The following SRPK2 variants were observed in gnomAD, a reference collection of about 807,000 sequenced individuals.
The protein encoded by SRPK2 is SFRS protein kinase 2.
Under a neutral mutation model 90.8 loss-of-function variants are expected in SRPK2, and 21 were observed. The ratio of observed to expected loss-of-function variants is 0.23; its 90% confidence interval spans 0.16 to 0.33. The LOEUF is 0.33. Ranked by LOEUF, SRPK2 falls within the 10% of genes least tolerant of loss-of-function variation. SRPK2 has a pLI of 1.00. For synonymous variants in SRPK2, 288 were observed against 311.1 expected (o/e 0.93, Z 0.78); for missense variants, 620 against 869.0 (o/e 0.71, Z 3.60).
At chr7:105,228,568 G>A (rs780755934) in intron 2 of SRPK2, among the ~76,000 whole-genome samples, 1 of 152,034 alleles carries the variant, frequency 6.6e-6, no homozygotes, top group Non-Finnish European at 1.5e-5. Context: ...CGCCTGCAAG[G>A]GGCCATCTGA....
chr7:105,243,956 C>T (rs1408291696), intron 2 of SRPK2, among the ~76,000 whole-genome samples: 1 of 152,204 alleles, frequency 6.6e-6, no homozygotes, highest in Non-Finnish European at 1.5e-5. Flanking sequence ...GGAGTCCCAA[C>T]TCTGCCATTA....
chr7:105,324,038 C>T (rs1813272428), intron 2 of SRPK2, among the ~76,000 whole-genome samples: 1 of 145,328 alleles, frequency 6.9e-6, no homozygotes, highest in Admixed American at 7.0e-5. Context: ...ACATTGTCGC[C>T]CGGGCTGGAG....
intron 7 of SRPK2, among the ~76,000 whole-genome samples, chr7:105,149,452 T>C (rs147339710): frequency 0.015 from 2,298 of 152,098 alleles, 53 homozygotes; most frequent in African/African-American, 0.051. Flanking sequence ...CCTACTACAT[T>C]CCTTTTTGCT....
intron 7 of SRPK2, among the ~76,000 whole-genome samples, chr7:105,153,241 C>T (rs1345888919): frequency 7.9e-5 from 12 of 152,124 alleles, no homozygotes; most frequent in East Asian, 1.9e-4. Context: ...AGCAGCAGTG[C>T]GGAAAAGAAG....
At chr7:105,278,080 C>T (rs1383946435) in intron 2 of SRPK2, among the ~76,000 whole-genome samples, 2 of 152,134 alleles carry the variant, frequency 1.3e-5, no homozygotes, top group Admixed American at 1.3e-4. Flanking sequence ...CTTTGGGAGG[C>T]TGAGGCAGGC....
intron 2 of SRPK2, among the ~76,000 whole-genome samples, chr7:105,308,560 T>C (rs1430270412): frequency 6.6e-6 from 1 of 152,194 alleles, no homozygotes; most frequent in African/African-American, 2.4e-5. Flanking sequence ...CAAGAAACTA[T>C]AATCCAAAAT....
At chr7:105,207,358 T>C (rs1333596443) in intron 2 of SRPK2, among the ~76,000 whole-genome samples, 1 of 152,138 alleles carries the variant, frequency 6.6e-6, no homozygotes, top group Non-Finnish European at 1.5e-5. Context: ...CAAAGCCTGG[T>C]TAAATTACAA....
At chr7:105,217,086 A>G (rs1366988701) in intron 2 of SRPK2, among the ~76,000 whole-genome samples, 1 of 152,224 alleles carries the variant, frequency 6.6e-6, no homozygotes, top group African/African-American at 2.4e-5. Flanking sequence ...CGATACTGCT[A>G]CAGGCCTTTT....
intron 2 of SRPK2, among the ~76,000 whole-genome samples, chr7:105,255,216 T>C (rs1033430013): frequency 6.6e-6 from 1 of 150,690 alleles, no homozygotes; most frequent in African/African-American, 2.4e-5. Flanking sequence ...TTGTTTCTCC[T>C]TACAGATGAA....
intron 2 of SRPK2, chr7:105,268,741 A>T: frequency 6.6e-7 from 1 of 1,517,088 alleles, no homozygotes; most frequent in Admixed American, 1.7e-5. Flanking sequence ...AAAAAAAAAT[A>T]TGTCCTGGTT....
chr7:105,282,714 G>A (rs1256436775), intron 2 of SRPK2, among the ~76,000 whole-genome samples: 1 of 152,078 alleles, frequency 6.6e-6, no homozygotes, highest in African/African-American at 2.4e-5. Flanking sequence ...ACTTGAACCT[G>A]GGAAGCGGAG....
intron 3 of SRPK2, chr7:105,189,373 T>C (rs1042818657): frequency 1.5e-4 from 25 of 162,202 alleles, no homozygotes; most frequent in Non-Finnish European, 1.2e-4. Flanking sequence ...CATCCTAATG[T>C]AGGGGTTGGT....
At chr7:105,399,038 T>C (rs545637946) in intron 1 of SRPK2, 5 of 152,370 alleles carry the variant, frequency 3.3e-5, no homozygotes, top group African/African-American at 1.2e-4. Flanking sequence ...AAGCATTCAA[T>C]AAATATTAGC....
At chr7:105,263,665 T>C (rs1804639271) in intron 2 of SRPK2, among the ~76,000 whole-genome samples, 1 of 152,158 alleles carries the variant, frequency 6.6e-6, no homozygotes, top group Non-Finnish European at 1.5e-5. Context: ...GTTAAGATCC[T>C]AAAACTCCTA....
chr7:105,150,341 AAACCCTGTCTCTAC>A (rs1267996335), intron 7 of SRPK2, among the ~76,000 whole-genome samples: 7 of 152,214 alleles, frequency 4.6e-5, no homozygotes, highest in African/African-American at 1.7e-4. Context: ...CAACATGGCG[AAACCCTGTCTCTAC>A]TAAAAACACA....
At position 105,281,543 on chromosome 7, in the gene SRPK2, C is replaced by G. The variant is rs538681285; in HGVS notation, c.72-77758G>C. On this transcript the variant is annotated intron_variant, in intron 2 of 15. Coordinates refer to ENST00000393651, the MANE Select transcript of SRPK2 (RefSeq NM_182692.3). Reference sequence around the variant, plus strand: ...TGGCACATGCCTGCAGTCCTAGCTACGTGGAGACTGAGGCAGGAGGATCAC... The same window carrying G: ...TGGCACATGCCTGCAGTCCTAGCTAGGTGGAGACTGAGGCAGGAGGATCAC... Among the ~76,000 whole-genome samples the G allele has an allele frequency of 4.6e-5, 7 of 152,184 alleles. No individual in the cohort carries two copies. The South Asian group carries it at 1.5e-3, about 32-fold the overall frequency.
At chr7:105,204,715 G>T in intron 2 of SRPK2, 1 of 782,326 alleles carries the variant, frequency 1.3e-6, no homozygotes, top group Non-Finnish European at 2.0e-6. Flanking sequence ...AGAAGAACAA[G>T]CTTGACAAAC....
intron 2 of SRPK2, among the ~76,000 whole-genome samples, chr7:105,359,770 T>G (rs1256198058): frequency 6.6e-6 from 1 of 152,166 alleles, no homozygotes; most frequent in Non-Finnish European, 1.5e-5. Context: ...ATATCTACAA[T>G]CTGTTTCATG....
intron 15 of SRPK2, among the ~76,000 whole-genome samples, chr7:105,122,421 G>T (rs966028529): frequency 6.6e-6 from 1 of 152,126 alleles, no homozygotes; most frequent in East Asian, 1.9e-4. Context: ...CAAAAAGTGG[G>T]GGAAAACCAA....
Sources: allele counts gnomAD v4.1 joint callset (sites outside exome capture counted in the v4.1 genomes callset), GRCh38; gene constraint gnomAD v4.1.1; transcripts MANE v1.5; gene names NCBI Gene and HGNC (gene_info 2026-07-23, HGNC 2026-07-21).